Variants in TIMP3 observed in about 807,000 individuals in gnomAD.
The protein encoded by TIMP3 is TIMP metallopeptidase inhibitor 3.
In TIMP3, 11 loss-of-function variants were observed where a neutral mutation model predicts 30.0. The ratio of observed to expected loss-of-function variants is 0.37; its 90% CI spans 0.23 to 0.61. TIMP3 has a LOEUF of 0.61. Ranked by LOEUF, TIMP3 falls within the 20% of genes least tolerant of loss-of-function variation. The probability of loss-of-function intolerance (pLI) is 0.70; values close to 1 mark genes in which losing one functional copy is unlikely to be tolerated. For synonymous variants in TIMP3, 112 were observed against 111.3 expected (o/e 1.01, Z -0.04); for missense variants, 181 against 276.8 (o/e 0.65, Z 2.45).
intron 1 of TIMP3, among the ~76,000 whole-genome samples, chr22:32,834,728 A>T (rs1177009251): frequency 6.6e-6 from 1 of 152,162 alleles, no homozygotes; most frequent in Non-Finnish European, 1.5e-5. Flanking sequence ...CTTTGCAGGG[A>T]GAGGTGCACT....
At chr22:32,807,177 C>T (rs1351852448) in intron 1 of TIMP3, among the ~76,000 whole-genome samples, 1 of 149,818 alleles carries the variant, frequency 6.7e-6, no homozygotes, top group African/African-American at 2.5e-5. Context: ...CTCATCCCCA[C>T]CTTTAAGGGA....
chr22:32,837,183 G>A lies in TIMP3; in HGVS notation c.122-12269G>A, dbSNP rs993715853. Among the ~76,000 whole-genome samples the A allele has an allele frequency of 2.4e-4, 37 of 152,214 alleles. No individual in the cohort carries two copies. The highest frequency in any genetic ancestry group is 8.2e-4 in the African/African-American group (34 of 41,468). ...CTGAAAGCTGGAAGTTCTGAGAACC[G>A]TTTGAGGGCATGGTATTTTTCTGGG... On this transcript the variant is annotated intron_variant, in intron 1 of 4. Transcript: ENST00000266085. The surrounding 1 kb of genome is among the most constrained non-coding windows in gnomAD (Gnocchi z 4.1).
At chr22:32,818,566 A>G (rs1284954302) in intron 1 of TIMP3, among the ~76,000 whole-genome samples, 1 of 152,186 alleles carries the variant, frequency 6.6e-6, no homozygotes, top group African/African-American at 2.4e-5. Context: ...AAAGGAGGAA[A>G]GGAAACAGAA....
At chr22:32,840,108 A>G (rs1488279588) in intron 1 of TIMP3, among the ~76,000 whole-genome samples, 1 of 152,084 alleles carries the variant, frequency 6.6e-6, no homozygotes, top group Non-Finnish European at 1.5e-5. Context: ...GGAGGTTTTC[A>G]TATCCTCCAG....
chr22:32,810,737 G>A (rs998706700), intron 1 of TIMP3, among the ~76,000 whole-genome samples: 5 of 152,230 alleles, frequency 3.3e-5, no homozygotes, highest in African/African-American at 7.2e-5. Flanking sequence ...GGATTAGGAT[G>A]TGGGGATGGT....
chr22:32,826,362 G>T (rs1006682487), intron 1 of TIMP3, among the ~76,000 whole-genome samples: 1 of 152,180 alleles, frequency 6.6e-6, no homozygotes. Context: ...CCGGGAGGCG[G>T]AGGTTGCAGT....
chr22:32,822,412 G>T (rs2047276158), intron 1 of TIMP3, among the ~76,000 whole-genome samples: 2 of 152,160 alleles, frequency 1.3e-5, no homozygotes, highest in African/African-American at 2.4e-5. Context: ...CTATCCTCAT[G>T]GAGTCTGGTC....
At chr22:32,852,364 T>A (rs1430028891) in intron 2 of TIMP3, among the ~76,000 whole-genome samples, 4 of 152,058 alleles carry the variant, frequency 2.6e-5, no homozygotes, top group Non-Finnish European at 5.9e-5. Flanking sequence ...AGAGGTCAGT[T>A]TGGGTTTGTT....
Position 32,859,019 on chromosome 22 carries a change from C to A in TIMP3, c.439-161C>A, listed in dbSNP as rs1032957120. 32 of 708,508 alleles carry A rather than the reference C, an allele frequency of 4.5e-5. No homozygotes were observed. In the African/African-American group the frequency reaches 5.6e-4, roughly 12 times the overall value. The allele number at this position is 708,508 out of a possible 1,614,324, so 43.9% of individuals were successfully genotyped here. On this transcript the variant is annotated intron_variant, in intron 4 of 4. Coordinates refer to ENST00000266085, the MANE Select transcript of TIMP3 (RefSeq NM_000362.5). ...ACTTATCAGAATGTCTGTTAGACAG[C>A]AGATGCTCAAGCTAGTGCTATTTAT...
chr22:32,821,822 C>T (rs1256021172), intron 1 of TIMP3, among the ~76,000 whole-genome samples: 3 of 152,182 alleles, frequency 2.0e-5, no homozygotes, highest in East Asian at 1.9e-4. Context: ...ATGGTTCCCC[C>T]GTCACTCACT....
intron 2 of TIMP3, 43 bp from the exon 3 acceptor site, chr22:32,857,206 C>T: frequency 6.6e-7 from 1 of 1,508,952 alleles, no homozygotes; most frequent in African/African-American, 1.4e-5. Context: ...TACGGGTGTC[C>T]AAACTGGGAA....
chr22:32,844,176 G>T (rs151118598), intron 1 of TIMP3, among the ~76,000 whole-genome samples: 3 of 152,164 alleles, frequency 2.0e-5, no homozygotes, highest in Admixed American at 1.3e-4. Flanking sequence ...GGGGAAGAAG[G>T]GTCTGGATTT....
intron 1 of TIMP3, among the ~76,000 whole-genome samples, chr22:32,842,540 T>G (rs149743150): frequency 6.6e-6 from 1 of 152,338 alleles, no homozygotes; most frequent in East Asian, 1.9e-4. Flanking sequence ...TGTTTTCCTC[T>G]GATTAGTAAA....
intron 1 of TIMP3, among the ~76,000 whole-genome samples, chr22:32,806,691 T>C (rs1437918485): frequency 1.3e-5 from 2 of 152,254 alleles, no homozygotes; most frequent in East Asian, 1.9e-4. Flanking sequence ...GTTTTATCTA[T>C]ATTTTAAAAG....
intron 1 of TIMP3, among the ~76,000 whole-genome samples, 158 bp from the exon 2 acceptor site, chr22:32,849,294 A>T (rs1159597594): frequency 6.6e-6 from 1 of 152,122 alleles, no homozygotes; most frequent in African/African-American, 2.4e-5. Context: ...CACCCCAGGG[A>T]ATTCCCACTC....
intron 2 of TIMP3, among the ~76,000 whole-genome samples, chr22:32,854,479 G>A (rs1435670559): frequency 6.6e-6 from 1 of 152,180 alleles, no homozygotes; most frequent in African/African-American, 2.4e-5. Context: ...CCCATGGGCT[G>A]GGTCCAAAAG....
chr22:32,810,920 C>T lies in TIMP3; in HGVS notation c.121+8798C>T, dbSNP rs941818817. 2.0e-5 allele frequency among the ~76,000 whole-genome samples: 3 copies of T among 152,194 alleles called. No homozygotes were observed. The South Asian group carries it at 6.2e-4, about 31-fold the overall frequency. ...TTGGAAACATGATAGCTCTAGTGAG[C>T]TCTGCTACTCCCAAGCTTGGGCAGG... On this transcript the variant is annotated intron_variant, in intron 1 of 4. Transcript: ENST00000266085.
chr22:32,813,668 T>TA (rs1413496685), intron 1 of TIMP3, among the ~76,000 whole-genome samples: 11 of 151,666 alleles, frequency 7.3e-5, no homozygotes, highest in African/African-American at 2.7e-4. Flanking sequence ...ACCCAATTTT[T>TA]TTTTTTTTGG....
intron 1 of TIMP3, among the ~76,000 whole-genome samples, chr22:32,829,675 A>G (rs1395732136): frequency 1.3e-5 from 2 of 152,126 alleles, no homozygotes; most frequent in East Asian, 3.9e-4. Context: ...AGCCAGGACA[A>G]TGCCGGTCCC....
Sources: gnomAD v4.1 joint callset for allele counts (sites outside exome capture counted in the v4.1 genomes callset) on GRCh38, gnomAD v4.1.1 for gene constraint, Gnocchi (gnomAD v3.1) non-coding constraint, MANE v1.5 for transcripts, NCBI Gene and HGNC (gene_info 2026-07-23, HGNC 2026-07-21) for gene names.